NEK10: variants seen among roughly 807,000 people sequenced by gnomAD.
NEK10 encodes the protein serine/threonine-protein kinase Nek10.
A neutral mutation model predicts 159.8 loss-of-function variants in NEK10; 122 were observed. That is an observed-to-expected ratio of 0.76 (90% CI 0.66 to 0.89). The LOEUF (loss-of-function observed/expected upper bound fraction) is 0.89, where lower values mean the gene tolerates loss of function less well. Ranked by LOEUF, NEK10 falls within the 40% of genes least tolerant of loss-of-function variation. The pLI is 0.00. For missense variants in NEK10, 1,342 were observed against 1,323.1 expected (o/e 1.01, Z -0.22); for synonymous variants, 466 against 457.1 (o/e 1.02, Z -0.25).
chr3:27,246,759 T>C (rs756456632), intron 23 of NEK10, among the ~76,000 whole-genome samples: 33 of 152,150 alleles, frequency 2.2e-4, no homozygotes, highest in Non-Finnish European at 1.0e-4. Context: ...AGTTCAATTA[T>C]TTAATTTTTA....
intron 23 of NEK10, among the ~76,000 whole-genome samples, chr3:27,236,172 G>C (rs1953894900): frequency 1.3e-5 from 2 of 152,122 alleles, no homozygotes; most frequent in African/African-American, 4.8e-5. Flanking sequence ...TGGAAGGAGA[G>C]AGAGGATCAG....
intron 3 of NEK10, among the ~76,000 whole-genome samples, chr3:27,348,047 G>C (rs922294273): frequency 6.6e-6 from 1 of 152,070 alleles, no homozygotes; most frequent in Non-Finnish European, 1.5e-5. Flanking sequence ...TTATACAGAT[G>C]AATTTTGCTA....
intron 22 of NEK10, among the ~76,000 whole-genome samples, chr3:27,274,300 C>A (rs1377290781): frequency 6.6e-6 from 1 of 152,120 alleles, no homozygotes; most frequent in African/African-American, 2.4e-5. Flanking sequence ...AAAAATTCAA[C>A]ACTTGATAAA....
intron 25 of NEK10, 38 bp from the exon 26 acceptor site, chr3:27,192,280 T>C (rs749139633): frequency 2.0e-6 from 3 of 1,509,246 alleles, no homozygotes; most frequent in African/African-American, 1.4e-5. Context: ...CTCTGGTCAA[T>C]GTTGGGAGCA....
At chr3:27,301,572 T>G in intron 13 of NEK10, 124 bp downstream of exon 13, 1 of 708,028 alleles carries the variant, frequency 1.4e-6, no homozygotes, top group South Asian at 1.9e-5. Flanking sequence ...TCCATGTGGA[T>G]TTCACTTTAC....
At position 27,331,262 on chromosome 3, in the gene NEK10, A is replaced by AAAAAAAAAAAAAAAAAAAAAAAAAAC; in HGVS notation, c.363-9002_363-9001insGTTTTTTTTTTTTTTTTTTTTTTTTT. Among the ~76,000 whole-genome samples, 146 of 110,064 alleles carry AAAAAAAAAAAAAAAAAAAAAAAAAAC rather than the reference A, an allele frequency of 1.3e-3. 48 individuals are homozygous for AAAAAAAAAAAAAAAAAAAAAAAAAAC. Among genetic ancestry groups the AAAAAAAAAAAAAAAAAAAAAAAAAAC allele is most frequent in the Non-Finnish European group, 2.2e-3 (110 of 51,002 alleles). The allele number at this position is 110,064 out of a possible 152,430, so 72.2% of individuals were successfully genotyped here. A position where few individuals can be genotyped will look rare whatever the true frequency, so the allele number is the denominator to read the frequency against. ...CAAAAAAAAAAAAACAAAAAAAAAA[A>AAAAAAAAAAAAAAAAAAAAAAAAAAC]ACACACAAACCTAAGACTTTTGAGG... On this transcript the variant is annotated intron_variant, in intron 5 of 35. Transcript: ENST00000691995.
intron 26 of NEK10, among the ~76,000 whole-genome samples, chr3:27,182,622 A>G (rs1948234800): frequency 6.6e-6 from 1 of 152,162 alleles, no homozygotes; most frequent in Non-Finnish European, 1.5e-5. Flanking sequence ...AGAAATAAGT[A>G]TGTTGAAGAG....
At chr3:27,188,969 T>C (rs990234180) in intron 26 of NEK10, among the ~76,000 whole-genome samples, 3 of 152,164 alleles carry the variant, frequency 2.0e-5, no homozygotes. Context: ...TGCCAAAACA[T>C]GGATAACGAT....
chr3:27,294,212 C>G (rs774130950), intron 15 of NEK10, among the ~76,000 whole-genome samples: 2 of 152,156 alleles, frequency 1.3e-5, no homozygotes, highest in Non-Finnish European at 2.9e-5. Flanking sequence ...GAGCCTTTAC[C>G]TAGGAAAAAT....
intron 26 of NEK10, among the ~76,000 whole-genome samples, chr3:27,177,265 C>T (rs767720612): frequency 6.6e-6 from 1 of 152,028 alleles, no homozygotes; most frequent in Non-Finnish European, 1.5e-5. Context: ...ATTTCTAGGC[C>T]AGGCATGGTG....
At chr3:27,168,145 G>C (rs1450816280) in intron 29 of NEK10, among the ~76,000 whole-genome samples, 1 of 151,992 alleles carries the variant, frequency 6.6e-6, no homozygotes, top group East Asian at 1.9e-4. Context: ...GTACTTCCCT[G>C]TGACTTCTCT....
At chr3:27,121,147 C>A (rs1425648694) in intron 32 of NEK10, among the ~76,000 whole-genome samples, 1 of 152,078 alleles carries the variant, frequency 6.6e-6, no homozygotes, top group Non-Finnish European at 1.5e-5. Flanking sequence ...TTCATGCCAT[C>A]TTTTTTTCAT....
At position 27,190,028 on chromosome 3, in the gene NEK10, A is replaced by G. The variant is rs568122572; in HGVS notation, c.2505+2001T>C. On this transcript the variant is annotated intron_variant, in intron 26 of 35. Transcript: ENST00000691995. ...AGCACTAGATTAACAAGTTCCATCA[A>G]CAAACTATTCTTCTAACAAAAGCTA... Among the ~76,000 whole-genome samples, 6 of 152,296 alleles carry G rather than the reference A, an allele frequency of 3.9e-5. No individual in the cohort carries two copies. In the South Asian group the frequency reaches 1.0e-3, roughly 26 times the overall value.
At position 27,307,900 on chromosome 3, in the gene NEK10, A is replaced by G; in HGVS notation, c.762T>C (p.Asn254=). 1 of 1,566,408 alleles carries G rather than the reference A, an allele frequency of 6.4e-7. No homozygotes were observed. Among genetic ancestry groups the G allele is most frequent in the Non-Finnish European group, 8.8e-7 (1 of 1,137,476 alleles). Residue 254 remains asparagine, a synonymous_variant, in exon 11 of 36, where the codon AAT becomes AAC. Coordinates refer to ENST00000691995, the MANE Select transcript of NEK10 (RefSeq NM_001394966.1). ...CATATTCATGTAAAATCATCAACAG[A>G]TTTTCTACAATGTTGAGTTCACTTA... ...EKISELNIVE[N]LLMILHEYDL... is the part of the protein sequence containing the mutation.
intron 29 of NEK10, among the ~76,000 whole-genome samples, chr3:27,164,122 T>C (rs1423742932): frequency 6.6e-6 from 1 of 152,120 alleles, no homozygotes; most frequent in African/African-American, 2.4e-5. Context: ...GAAAAGTAAA[T>C]GGAACCTGCC....
intron 23 of NEK10, among the ~76,000 whole-genome samples, chr3:27,235,817 T>A (rs1953847697): frequency 6.6e-6 from 1 of 152,150 alleles, no homozygotes; most frequent in Non-Finnish European, 1.5e-5. Context: ...CATGCACTAT[T>A]CACTTGTTCA....
intron 1 of NEK10, chr3:27,368,906 G>A (rs1039961915): frequency 1.2e-4 from 18 of 152,274 alleles, no homozygotes; most frequent in African/African-American, 4.1e-4. Flanking sequence ...AGAGGCGTCG[G>A]AGCAGATTGG....
chr3:27,287,858 C>G, intron 19 of NEK10, 115 bp from the exon 20 acceptor site: 17 of 1,101,864 alleles, frequency 1.5e-5, no homozygotes, highest in Non-Finnish European at 1.7e-5. Context: ...TATTTATTTA[C>G]AAAACTAAGC....
chr3:27,331,312 C>G (rs963066440), intron 5 of NEK10, among the ~76,000 whole-genome samples: 11 of 149,276 alleles, frequency 7.4e-5, no homozygotes, highest in Non-Finnish European at 1.5e-5. Context: ...TATCTGTGCC[C>G]AGTCTATGGT....
Sources: allele counts gnomAD v4.1 joint callset (sites outside exome capture counted in the v4.1 genomes callset), GRCh38; gene constraint gnomAD v4.1.1; transcripts MANE v1.5; gene names NCBI Gene and HGNC (gene_info 2026-07-23, HGNC 2026-07-21).